Variants in SCHIP1 observed in about 807,000 individuals in gnomAD.
The protein encoded by SCHIP1 is schwannomin-interacting protein 1.
Under a neutral mutation model 29.7 loss-of-function variants are expected in SCHIP1, and 8 were observed. That is an observed-to-expected ratio of 0.27 (90% CI 0.16 to 0.49). The LOEUF is 0.49. Among genes scored for constraint, SCHIP1 ranks in the 20% least tolerant of loss-of-function variants. The pLI, the probability that SCHIP1 is intolerant of heterozygous loss-of-function variation, is 0.99. For synonymous variants in SCHIP1, 76 were observed against 94.9 expected (o/e 0.80, Z 1.16); for missense variants, 193 against 294.6 (o/e 0.66, Z 2.52).
the SCHIP1 span, among the ~76,000 whole-genome samples, chr3:159,696,743 A>G: frequency 6.6e-6 from 1 of 152,154 alleles, no homozygotes; most frequent in African/African-American, 2.4e-5. Flanking sequence ...ACAATCCAGG[A>G]GGTCAGGAAA....
chr3:159,768,893 A>C, the SCHIP1 span, among the ~76,000 whole-genome samples: 1 of 152,342 alleles, frequency 6.6e-6, no homozygotes, highest in East Asian at 1.9e-4. Context: ...CAAAAACCAG[A>C]ACTACTCCCA....
chr3:159,424,209 T>A, the SCHIP1 span, among the ~76,000 whole-genome samples: 32 of 151,922 alleles, frequency 2.1e-4, no homozygotes, highest in African/African-American at 7.5e-4. Flanking sequence ...CTTTGACGAG[T>A]TGAGAGAAGA....
At chr3:159,698,334 T>C in the SCHIP1 span, among the ~76,000 whole-genome samples, 1 of 152,224 alleles carries the variant, frequency 6.6e-6, no homozygotes, top group Non-Finnish European at 1.5e-5. Context: ...TTTCCCCTCT[T>C]GAATAAATTT....
the SCHIP1 span, among the ~76,000 whole-genome samples, chr3:159,783,018 T>A: frequency 2.4e-4 from 37 of 152,310 alleles, 1 homozygote; most frequent in South Asian, 7.5e-3. Context: ...AAGGGGGAAG[T>A]TGAGGGTACA....
the SCHIP1 span, among the ~76,000 whole-genome samples, chr3:159,800,042 T>G: frequency 1.3e-5 from 2 of 152,186 alleles, no homozygotes; most frequent in Non-Finnish European, 2.9e-5. Context: ...AGTAGTGCTT[T>G]CATTCATTCA....
At chr3:159,521,201 T>G in the SCHIP1 span, among the ~76,000 whole-genome samples, 16 of 152,242 alleles carry the variant, frequency 1.1e-4, no homozygotes, top group Admixed American at 3.9e-4. Flanking sequence ...TGGACATGTA[T>G]AGTCAGCATA....
the SCHIP1 span, among the ~76,000 whole-genome samples, chr3:159,604,307 T>G: frequency 1.3e-5 from 2 of 152,208 alleles, no homozygotes; most frequent in Non-Finnish European, 2.9e-5. Context: ...GCACATTCTT[T>G]GATGACGATT....
At chr3:159,688,079 A>G in the SCHIP1 span, among the ~76,000 whole-genome samples, 1 of 152,184 alleles carries the variant, frequency 6.6e-6, no homozygotes, top group South Asian at 2.1e-4. Flanking sequence ...ACGTGTCTTT[A>G]TAGTAGAATG....
chr3:159,507,470 C>T, the SCHIP1 span, among the ~76,000 whole-genome samples: 1 of 152,170 alleles, frequency 6.6e-6, no homozygotes, highest in Admixed American at 6.5e-5. Flanking sequence ...CCTTCTCCTG[C>T]CTGATTGCCC....
At chr3:159,744,921 G>T in the SCHIP1 span, among the ~76,000 whole-genome samples, 1 of 152,262 alleles carries the variant, frequency 6.6e-6, no homozygotes, top group African/African-American at 2.4e-5. Flanking sequence ...GGCGGAGCTT[G>T]CAGTGAGCCG....
At chr3:159,480,325 C>A in the SCHIP1 span, among the ~76,000 whole-genome samples, 2 of 152,118 alleles carry the variant, frequency 1.3e-5, no homozygotes, top group Admixed American at 1.3e-4. Context: ...GAAACTCCTC[C>A]CTCAGAAGAT....
chr3:159,716,779 C>T, the SCHIP1 span, among the ~76,000 whole-genome samples: 1 of 152,150 alleles, frequency 6.6e-6, no homozygotes, highest in Non-Finnish European at 1.5e-5. Flanking sequence ...GACTCCCACA[C>T]AATAATAACG....
At chr3:159,818,892 G>A in the SCHIP1 span, among the ~76,000 whole-genome samples, 1 of 152,146 alleles carries the variant, frequency 6.6e-6, no homozygotes, top group Non-Finnish European at 1.5e-5. Context: ...CTTACCCTCT[G>A]TCTTAGTTGT....
chr3:159,896,200 G>A (rs1328603202), intron 6 of SCHIP1, among the ~76,000 whole-genome samples: 1 of 152,144 alleles, frequency 6.6e-6, no homozygotes, highest in Non-Finnish European at 1.5e-5. Flanking sequence ...TAATATCTAG[G>A]TCTGTGTCTG....
chr3:159,521,561 G>C, the SCHIP1 span, among the ~76,000 whole-genome samples: 1 of 152,190 alleles, frequency 6.6e-6, no homozygotes, highest in Admixed American at 6.5e-5. Flanking sequence ...TCACCCAGGT[G>C]CCTTCACTCA....
At chr3:159,745,931 C>T in the SCHIP1 span, among the ~76,000 whole-genome samples, 1 of 152,052 alleles carries the variant, frequency 6.6e-6, no homozygotes, top group Admixed American at 6.5e-5. Context: ...GACTCTGATA[C>T]AGGTTTGGGC....
the SCHIP1 span, chr3:159,808,474 A>G: frequency 1.3e-5 from 2 of 152,282 alleles, no homozygotes; most frequent in Non-Finnish European, 2.9e-5. Context: ...AGATCCTTAA[A>G]GTGGCTGACT....
chr3:159,754,480 G>A, the SCHIP1 span, among the ~76,000 whole-genome samples: 5 of 152,096 alleles, frequency 3.3e-5, no homozygotes, highest in East Asian at 7.7e-4. Flanking sequence ...CCGTTCTGTT[G>A]GGATATTTTG....
chr3:159,348,449 G>A, the SCHIP1 span, among the ~76,000 whole-genome samples: 1 of 152,062 alleles, frequency 6.6e-6, no homozygotes, highest in African/African-American at 2.4e-5. Context: ...TTACCAAAAT[G>A]CAGTTGATAT....
Sources: gnomAD v4.1 joint callset for allele counts (sites outside exome capture counted in the v4.1 genomes callset) on GRCh38, gnomAD v4.1.1 for gene constraint, MANE v1.5 for transcripts, NCBI Gene and HGNC (gene_info 2026-07-23, HGNC 2026-07-21) for gene names.